Variants in PROSER2 observed in about 807,000 individuals in gnomAD.
PROSER2 encodes the protein proline and serine-rich protein 2.
In PROSER2, 18 loss-of-function variants were observed where a neutral mutation model predicts 14.6. The ratio of observed to expected loss-of-function variants is 1.23; its 90% CI spans 0.85 to 1.83. The LOEUF (loss-of-function observed/expected upper bound fraction) is 1.83. Ranked by LOEUF, PROSER2 falls within the 40% of genes most tolerant of loss-of-function variation. The pLI is 0.00. For synonymous variants in PROSER2, 367 were observed against 286.4 expected (o/e 1.28, Z -2.84); for missense variants, 823 against 629.8 (o/e 1.31, Z -3.28).
chr10:11,827,836 G>T (rs956287304), intron 1 of PROSER2, among the ~76,000 whole-genome samples: 3 of 151,916 alleles, frequency 2.0e-5, no homozygotes, highest in African/African-American at 7.3e-5. Flanking sequence ...GTGCCACCAT[G>T]CCTGGCTAAT....
Position 11,871,624 on chromosome 10 carries a change from T to G in PROSER2, c.*1218T>G, listed in dbSNP as rs2131103657. On this transcript the variant is annotated 3_prime_UTR_variant, in exon 4 of 4. Transcript: ENST00000277570. Reference sequence around the variant, plus strand: ...TTACACAGCAGGAAAAGAACCGGTTTCCTCCCAGACTATGTCTTACACGCT... The same window carrying G: ...TTACACAGCAGGAAAAGAACCGGTTGCCTCCCAGACTATGTCTTACACGCT... The G allele has an allele frequency of 6.6e-6, 1 of 152,238 alleles. No individual in the cohort carries two copies. The highest frequency in any genetic ancestry group is 2.4e-5 in the African/African-American group (1 of 41,530). 9.4% of individuals were successfully genotyped at this position (152,238 alleles called of 1,614,324 possible). A position where few individuals can be genotyped will look rare whatever the true frequency, so the allele number is the denominator to read the frequency against.
At chr10:11,852,871 A>AAGTGCTGGGATTATAGGC (rs1554767227) in intron 2 of PROSER2, among the ~76,000 whole-genome samples, 4 of 140,268 alleles carry the variant, frequency 2.9e-5, no homozygotes, top group East Asian at 5.0e-4. Context: ...CGGCCACTCA[A>AAGTGCTGGGATTATAGGC]GCTGATGTTT....
At chr10:11,853,206 A>G (rs1165074352) in intron 2 of PROSER2, among the ~76,000 whole-genome samples, 3 of 152,216 alleles carry the variant, frequency 2.0e-5, no homozygotes, top group Admixed American at 6.5e-5. Flanking sequence ...TATACTTGGT[A>G]TGGGGTAGTT....
chr10:11,833,485 G>A (rs1283561348), intron 1 of PROSER2, among the ~76,000 whole-genome samples: 1 of 151,998 alleles, frequency 6.6e-6, no homozygotes, highest in African/African-American at 2.4e-5. Context: ...GAGGTCAGGA[G>A]TTCGAGACCA....
intron 1 of PROSER2, among the ~76,000 whole-genome samples, chr10:11,832,967 C>G (rs548295922): frequency 6.6e-6 from 1 of 151,988 alleles, no homozygotes; most frequent in Non-Finnish European, 1.5e-5. Flanking sequence ...CTCAGCCTCC[C>G]GAGTAGCTGG....
intron 1 of PROSER2, among the ~76,000 whole-genome samples, chr10:11,844,027 T>C (rs1833889126): frequency 6.6e-6 from 1 of 152,136 alleles, no homozygotes; most frequent in South Asian, 2.1e-4. Context: ...GTCTTTGCCC[T>C]GCCCCCTAGG....
At chr10:11,850,727 A>C (rs1834003231) in intron 1 of PROSER2, 1 of 152,214 alleles carries the variant, frequency 6.6e-6, no homozygotes, top group Non-Finnish European at 1.5e-5. Context: ...TTTCAGAGGA[A>C]GTTTTCATGG....
rs568413450 is a variant in PROSER2, at chr10:11,860,390, G to A, written c.139-6141G>A. Among the ~76,000 whole-genome samples the A allele has an allele frequency of 5.9e-5, 9 of 152,296 alleles. No individual in the cohort carries two copies. The East Asian group carries it at 1.5e-3, about 26-fold the overall frequency. On this transcript the variant is annotated intron_variant, in intron 2 of 3. Transcript: ENST00000277570. ...CCAGCACTTTGGGAGGCCAAGGTGG[G>A]TGGATCACGAGGTCAGGAGTTCGAG...
chr10:11,870,250 C>T lies in PROSER2; in HGVS notation c.1152C>T (p.Pro384=), dbSNP rs1834454451. 3 of 1,486,512 alleles carry T rather than the reference C, an allele frequency of 2.0e-6. No individual in the cohort carries two copies. The highest frequency in any genetic ancestry group is 1.5e-5 in the African/African-American group (1 of 67,978). 92.1% of individuals were successfully genotyped at this position (1,486,512 alleles called of 1,614,324 possible). A position where few individuals can be genotyped will look rare whatever the true frequency, so the allele number is the denominator to read the frequency against. Residue 384 remains proline (P), a synonymous_variant, in exon 4 of 4, where the codon CCC becomes CCT. Coordinates refer to ENST00000277570, the MANE Select transcript of PROSER2 (RefSeq NM_153256.4). ...GCACGCGGGCCCGTCAGAGCTTCCC[C>T]GGGCCCCGGCAGCCCAACGGCGCCC... is the stretch of plus-strand genomic sequence containing the variant. ...LPSTRARQSF[P]GPRQPNGAQD... is the part of the protein sequence containing the mutation.
chr10:11,836,700 A>T lies in PROSER2; in HGVS notation c.-82+13230A>T, dbSNP rs1833765362. Among the ~76,000 whole-genome samples the T allele has an allele frequency of 6.6e-6, 1 of 152,074 alleles. No individual in the cohort carries two copies. Among genetic ancestry groups the T allele is most frequent in the Non-Finnish European group, 1.5e-5 (1 of 68,014 alleles). On this transcript the variant is annotated intron_variant, in intron 1 of 3. Transcript: ENST00000277570. This position sits in a 1 kb window ranked among gnomAD's most constrained non-coding sequence, Gnocchi z 4.6. ...CACAGGAAGGGGGATGTCTTTTAGA[A>T]GCTCATTTCTACCTCTTTCCCAGCT...
intron 1 of PROSER2, among the ~76,000 whole-genome samples, chr10:11,848,449 G>C (rs748859447): frequency 6.6e-6 from 1 of 152,166 alleles, no homozygotes; most frequent in Non-Finnish European, 1.5e-5. Context: ...GGTTACAGGC[G>C]TGAGCCACCG....
intron 1 of PROSER2, among the ~76,000 whole-genome samples, chr10:11,847,154 AATATATATATATATATATAT>A (rs200913870): frequency 1.1e-5 from 1 of 88,250 alleles, no homozygotes; most frequent in African/African-American, 3.8e-5. Flanking sequence ...AACATAAATA[AATATATATATATATATATAT>A]ATATATATAT....
chr10:11,866,864 T>G lies in PROSER2; in HGVS notation c.391+81T>G, dbSNP rs1834359921. 30 of 1,483,588 alleles carry G rather than the reference T, an allele frequency of 2.0e-5. No individual in the cohort carries two copies. The highest frequency in any genetic ancestry group is 2.5e-5 in the Non-Finnish European group (28 of 1,113,320). The allele number at this position is 1,483,588 out of a possible 1,614,324, so 91.9% of individuals were successfully genotyped here. A position where few individuals can be genotyped will look rare whatever the true frequency, so the allele number is the denominator to read the frequency against. ...CAGAGATACTTCTTTTGTGTTCCCC[T>G]GTGTTTGCCAGTAGAAGTTGTTGAG... On this transcript the variant is annotated intron_variant, in intron 3 of 3. Coordinates refer to ENST00000277570, the MANE Select transcript of PROSER2 (RefSeq NM_153256.4). This position sits in a 1 kb window ranked among gnomAD's most constrained non-coding sequence, Gnocchi z 6.0.
intron 1 of PROSER2, 69 bp from the exon 2 acceptor site, chr10:11,851,928 T>C: frequency 1.4e-6 from 1 of 724,508 alleles, no homozygotes. Context: ...TAAGCCATGT[T>C]TTTGAGGGAT....
At chr10:11,826,195 G>A (rs1286964328) in intron 1 of PROSER2, among the ~76,000 whole-genome samples, 1 of 152,120 alleles carries the variant, frequency 6.6e-6, no homozygotes, top group Non-Finnish European at 1.5e-5. Context: ...GTGTCGCGGC[G>A]TGTATCGTTG....
Position 11,866,773 on chromosome 10 carries a change from C to CCTGG in PROSER2, c.382_383insTGGC (p.Gln128LeufsTer19), listed in dbSNP as rs1343962307. ...AAGCCGAGGGCCTTCCAGAGGGGAC[C>CCTGG]CAGGCAGCAGGTGAGGGGGAAGACA... On this transcript the variant is annotated frameshift_variant, in exon 3 of 4. Coordinates refer to ENST00000277570, the MANE Select transcript of PROSER2 (RefSeq NM_153256.4). LOFTEE classifies it low-confidence loss of function (END_TRUNC). This position sits in a 1 kb window ranked among gnomAD's most constrained non-coding sequence, Gnocchi z 6.0. The CCTGG allele has an allele frequency of 1.2e-6, 2 of 1,611,098 alleles. No homozygotes were observed. The highest frequency in any genetic ancestry group is 1.7e-6 in the Non-Finnish European group (2 of 1,179,638).
Position 11,869,972 on chromosome 10 carries a change from CACGCCGGCGCCTTCCCCGCCGCGGGGG to C in PROSER2, c.884_910del (p.Ala295_Gly303del), listed in dbSNP as rs751558508. On this transcript the variant is annotated inframe_deletion, in exon 4 of 4. Transcript: ENST00000277570. This position sits in a 1 kb window ranked among gnomAD's most constrained non-coding sequence, Gnocchi z 4.4. ...GCAGGTGTTGGCCACCATCCACGGCCACGCCGGCGCCTTCCCCGCCGCGGGGGACGCCGGCGAGGGGGCCCCAGGGGG... is the reference window on the plus strand; with the variant it reads ...GCAGGTGTTGGCCACCATCCACGGCCACGCCGGCGAGGGGGCCCCAGGGGG... 786 of 1,319,522 alleles carry C rather than the reference CACGCCGGCGCCTTCCCCGCCGCGGGGG, an allele frequency of 6.0e-4. 5 individuals are homozygous for C. In the African/African-American group the frequency reaches 0.011, roughly 18 times the overall value. The allele number at this position is 1,319,522 out of a possible 1,614,324, so 81.7% of individuals were successfully genotyped here.
chr10:11,867,627 AAAAG>A (rs1333381944), intron 3 of PROSER2, among the ~76,000 whole-genome samples: 1 of 152,226 alleles, frequency 6.6e-6, no homozygotes, highest in Non-Finnish European at 1.5e-5. Context: ...CTGTCTCAAA[AAAAG>A]AAAGAGAATC....
At chr10:11,861,169 A>G (rs1248449194) in intron 2 of PROSER2, among the ~76,000 whole-genome samples, 2 of 152,308 alleles carry the variant, frequency 1.3e-5, no homozygotes, top group Non-Finnish European at 2.9e-5. Flanking sequence ...GATCTTTCCA[A>G]AATGCTGTGT....
Sources: gnomAD v4.1 joint callset for allele counts (sites outside exome capture counted in the v4.1 genomes callset) on GRCh38, gnomAD v4.1.1 for gene constraint, Gnocchi (gnomAD v3.1) non-coding constraint, MANE v1.5 for transcripts, NCBI Gene and HGNC (gene_info 2026-07-23, HGNC 2026-07-21) for gene names.